The following SMG7 variants were observed in gnomAD, a reference collection of about 807,000 sequenced individuals.
SMG7 encodes the protein SMG7 nonsense mediated mRNA decay factor, also known as nonsense-mediated mRNA decay factor SMG7.
Under a neutral mutation model 148.2 loss-of-function variants are expected in SMG7, and 34 were observed. The ratio of observed to expected loss-of-function variants is 0.23; its 90% CI spans 0.17 to 0.31. The LOEUF (loss-of-function observed/expected upper bound fraction) is 0.31, where lower values mean the gene tolerates loss of function less well. Ranked by LOEUF, SMG7 falls within the 10% of genes least tolerant of loss-of-function variation. The pLI, the probability that SMG7 is intolerant of heterozygous loss-of-function variation, is 1.00. For synonymous variants in SMG7, 492 were observed against 515.1 expected (o/e 0.96, Z 0.61); for missense variants, 1,114 against 1,408.4 (o/e 0.79, Z 3.35).
chr1:183,532,932 A>C (rs938942224), intron 8 of SMG7, among the ~76,000 whole-genome samples: 1 of 152,224 alleles, frequency 6.6e-6, no homozygotes, highest in Non-Finnish European at 1.5e-5. Flanking sequence ...GTTTGTTGAT[A>C]AACAATTCAA....
At chr1:183,488,003 T>A (rs1358328126) in intron 1 of SMG7, among the ~76,000 whole-genome samples, 1 of 152,208 alleles carries the variant, frequency 6.6e-6, no homozygotes. Context: ...ACATTTCTGT[T>A]TCTGTTGGTG....
chr1:183,494,609 AC>A (rs1657960504), intron 1 of SMG7, among the ~76,000 whole-genome samples: 1 of 150,990 alleles, frequency 6.6e-6, no homozygotes, highest in Non-Finnish European at 1.5e-5. Context: ...AAAAAAAAAA[AC>A]GTATTTTTTT....
intron 1 of SMG7, among the ~76,000 whole-genome samples, chr1:183,503,439 A>T (rs186575638): frequency 1.3e-5 from 2 of 152,212 alleles, no homozygotes; most frequent in East Asian, 3.9e-4. Flanking sequence ...TAACATCCTG[A>T]CTCAATTATT....
chr1:183,544,856 TAA>T, intron 15 of SMG7, 72 bp from the exon 16 acceptor site: 3 of 1,358,506 alleles, frequency 2.2e-6, no homozygotes, highest in Non-Finnish European at 3.0e-6. Flanking sequence ...ACCTACCTGT[TAA>T]AAAAAAAATG....
chr1:183,503,610 C>T (rs959941734), intron 1 of SMG7, among the ~76,000 whole-genome samples: 5 of 152,052 alleles, frequency 3.3e-5, no homozygotes, highest in African/African-American at 9.7e-5. Flanking sequence ...CAATGTGCCC[C>T]TTCAAAAGGG....
chr1:183,516,199 G>A (rs1032024972), intron 3 of SMG7: 4 of 473,146 alleles, frequency 8.5e-6, no homozygotes, highest in Non-Finnish European at 1.1e-5. Context: ...GTTTAGAGTT[G>A]AATTCTATTA....
At chr1:183,524,816 G>C (rs1034378568) in intron 4 of SMG7, among the ~76,000 whole-genome samples, 2 of 152,126 alleles carry the variant, frequency 1.3e-5, no homozygotes, top group Non-Finnish European at 2.9e-5. Flanking sequence ...ATAACCTAGG[G>C]AAATAAGTTA....
Position 183,551,024 on chromosome 1 carries a change from TTA to T in SMG7, c.3305-19_3305-18del. Reference sequence around the variant, plus strand: ...GATAGAACATCTTCTTGAATTTTTCTTATCTCTTTTCATCCCTTAGCCATGGG... The same window carrying T: ...GATAGAACATCTTCTTGAATTTTTCTTCTCTTTTCATCCCTTAGCCATGGG... On this transcript the variant is annotated intron_variant, in intron 21 of 22. Coordinates refer to ENST00000688051, the MANE Select transcript of SMG7 (RefSeq NM_001375584.1). 6.2e-7 allele frequency: 1 copy of T among 1,614,016 alleles called. No individual in the cohort carries two copies. The highest frequency in any genetic ancestry group is 8.5e-7 in the Non-Finnish European group (1 of 1,179,952).
intron 1 of SMG7, among the ~76,000 whole-genome samples, chr1:183,505,268 C>T (rs779672727): frequency 2.0e-5 from 3 of 152,236 alleles, no homozygotes; most frequent in Non-Finnish European, 4.4e-5. Context: ...GCAAGGCTAT[C>T]ATTGACCCTT....
At chr1:183,523,084 T>C (rs1048470966) in intron 4 of SMG7, among the ~76,000 whole-genome samples, 1 of 152,192 alleles carries the variant, frequency 6.6e-6, no homozygotes, top group Admixed American at 6.5e-5. Context: ...ACCATTCTGC[T>C]GTAGGTTGTT....
chr1:183,472,531 C>T lies in SMG7; in HGVS notation c.-90C>T. ...CGGAGGAGAGGAAGATGGCGGCGGC[C>T]GCCAGCACCCGCGGTGCCGCGGGGC... On this transcript the variant is annotated 5_prime_UTR_variant, in exon 1 of 23. Coordinates refer to ENST00000688051, the MANE Select transcript of SMG7 (RefSeq NM_001375584.1). 1 of 1,264,956 alleles carries T rather than the reference C, an allele frequency of 7.9e-7. No individual in the cohort carries two copies. Among genetic ancestry groups the T allele is most frequent in the Non-Finnish European group, 1.0e-6 (1 of 970,720 alleles). 78.4% of individuals were successfully genotyped at this position (1,264,956 alleles called of 1,614,324 possible). A position where few individuals can be genotyped will look rare whatever the true frequency, so the allele number is the denominator to read the frequency against.
intron 12 of SMG7, among the ~76,000 whole-genome samples, chr1:183,539,637 A>G (rs1668445051): frequency 6.6e-6 from 1 of 152,238 alleles, no homozygotes; most frequent in Admixed American, 6.5e-5. Context: ...CGATTTGGTC[A>G]GCCAAAAAGC....
At chr1:183,473,687 G>C (rs1439749707) in intron 1 of SMG7, 1 of 948,004 alleles carries the variant, frequency 1.1e-6, no homozygotes, top group Non-Finnish European at 1.3e-6. Context: ...TAGAAAAGGG[G>C]AAGACTTTAA....
Position 183,541,060 on chromosome 1 carries a change from C to T in SMG7, c.1372C>T (p.Arg458Cys), listed in dbSNP as rs778297341. ...EGQQRRIRQQ[R>C]LISIGKWIAD... ...CCAGCAACGACGAATACGACAGCAA[C>T]GCTTGATCTCTATAGGCAAATGGAT... The change falls in exon 13 of 23, where the codon CGC (arginine) becomes TGC (cysteine). Residue 458 changes from arginine (R) to cysteine (C), a missense_variant. Arg to Cys is a radical substitution (Grantham distance 180). Transcript: ENST00000688051. 5 of 1,613,380 alleles carry T rather than the reference C, an allele frequency of 3.1e-6. No homozygotes were observed. Among genetic ancestry groups the T allele is most frequent in the Middle Eastern group, 1.6e-4 (1 of 6,080 alleles).
rs1413886425 is a variant in SMG7 at position 183,553,986 on chromosome 1, G to A, written c.*2055G>A. On this transcript the variant is annotated 3_prime_UTR_variant, in exon 23 of 23. Transcript: ENST00000688051. ...GTGTTTGGAATGTTTTCTGACTCTT[G>A]GGGCGGGATTCCTCGCCTTATCATC... is the stretch of plus-strand genomic sequence containing the variant. The A allele has an allele frequency of 6.6e-6, 1 of 152,624 alleles. No homozygotes were observed. The highest frequency in any genetic ancestry group is 6.5e-5 in the Admixed American group (1 of 15,284). 9.5% of individuals were successfully genotyped at this position (152,624 alleles called of 1,614,324 possible).
chr1:183,506,000 TGTCATGCAA>T (rs1660806415), intron 1 of SMG7, among the ~76,000 whole-genome samples: 1 of 152,236 alleles, frequency 6.6e-6, no homozygotes, highest in Admixed American at 6.5e-5. Context: ...CTCCAAGGCA[TGTCATGCAA>T]GTCATGCAAG....
chr1:183,549,054 T>C, intron 18 of SMG7, 154 bp from the exon 19 acceptor site: 2 of 617,686 alleles, frequency 3.2e-6, no homozygotes, highest in South Asian at 2.0e-5. Flanking sequence ...GGTGTCTTGG[T>C]GTTAACAGAT....
intron 18 of SMG7, among the ~76,000 whole-genome samples, chr1:183,548,759 G>C (rs913313492): frequency 1.3e-5 from 2 of 152,134 alleles, no homozygotes; most frequent in African/African-American, 4.8e-5. Context: ...TGCTTAAAAA[G>C]CATATTAACA....
intron 18 of SMG7, 72 bp from the exon 19 acceptor site, chr1:183,549,136 A>G: frequency 1.7e-6 from 2 of 1,168,996 alleles, no homozygotes; most frequent in Admixed American, 1.8e-5. Context: ...CTTTGGTTCC[A>G]TAGTATGGTA....
Sources: gnomAD v4.1 joint callset for allele counts (sites outside exome capture counted in the v4.1 genomes callset) on GRCh38, gnomAD v4.1.1 for gene constraint, MANE v1.5 for transcripts, NCBI Gene and HGNC (gene_info 2026-07-23, HGNC 2026-07-21) for gene names.